LACC1: variants seen among roughly 807,000 people sequenced by gnomAD.
LACC1 encodes purine nucleoside phosphorylase LACC1.
LACC1 carries 25 observed loss-of-function variants against 34.8 expected under a neutral mutation model. The ratio of observed to expected loss-of-function variants is 0.72; its 90% CI spans 0.52 to 1.00. The LOEUF is 1.00. Ranked by LOEUF, LACC1 falls within the 50% of genes least tolerant of loss-of-function variation. The pLI is 0.00. For synonymous variants in LACC1, 162 were observed against 168.0 expected, an observed-to-expected ratio of 0.96 and a Z score of 0.28; for missense variants, 426 against 511.2, an observed-to-expected ratio of 0.83 and a Z score of 1.61.
rs200488519 is a variant in LACC1 at position 43,881,304 on chromosome 13, G to T, written c.319G>T (p.Val107Leu). 2.6e-5 allele frequency: 42 copies of T among 1,614,002 alleles called. No homozygotes were observed. Among genetic ancestry groups the T allele is most frequent in the African/African-American group, 4.0e-5 (3 of 75,024 alleles). ...AAATCTGAGCAGCATTAAGGTAATT[G>T]TACCCAGGCACAGGAAGACATTAAT... is the stretch of plus-strand genomic sequence containing the variant. ...EKNLSSIKVI[V>L]PRHRKTLMKA... is the part of the protein sequence containing the mutation. Residue 107 changes from valine (V) to leucine (L), a missense_variant, in exon 2 of 7, where the codon GTA becomes TTA. By Grantham distance (32) the Val-to-Leu change is conservative. This residue lies in a region of LACC1 where 217 missense variants were observed against 210.9 expected (regional missense o/e 1.03). Transcript: ENST00000325686.
At chr13:43,882,928 C>G (rs553752098) in intron 3 of LACC1, among the ~76,000 whole-genome samples, 4 of 152,048 alleles carry the variant, frequency 2.6e-5, no homozygotes, top group African/African-American at 9.7e-5. Context: ...AACCCACCCT[C>G]GACAGGACAC....
In LACC1 at chr13:43,881,325, T is replaced by C. The variant is rs776163025; in HGVS notation, c.340T>C (p.Leu114=). ...AATTGTACCCAGGCACAGGAAGACA[T>C]TAATGAAAGCTTTTATTGATCAACT... ...KVIVPRHRKT[L]MKAFIDQLFT... Residue 114 remains leucine, a synonymous_variant, in exon 2 of 7, where the codon TTA becomes CTA. Coordinates refer to ENST00000325686, the MANE Select transcript of LACC1 (RefSeq NM_153218.4). 3 of 1,613,892 alleles carry C rather than the reference T, an allele frequency of 1.9e-6. No individual in the cohort carries two copies. Among genetic ancestry groups the C allele is most frequent in the African/African-American group, 1.3e-5 (1 of 75,004 alleles).
In LACC1 at chr13:43,881,566, G is replaced by A. The variant is rs752823299; in HGVS notation, c.562+19G>A. On this transcript the variant is annotated intron_variant, in intron 2 of 6. Transcript: ENST00000325686. The stretch of plus-strand genomic sequence containing the variant: ...ATCCCAGGTATATTAACCACTAACT[G>A]TTGTTTTTACTTTGTACATGGAAAA... The A allele has an allele frequency of 9.1e-6, 14 of 1,535,292 alleles. No homozygotes were observed. Among genetic ancestry groups the A allele is most frequent in the African/African-American group, 6.9e-5 (5 of 71,948 alleles).
rs548506437 is a variant in LACC1 at position 43,880,069 on chromosome 13, G to A, written c.-85G>A. ...GAATGGGCTGTGAGCCGCCGGTGGA[G>A]GTGCCCGGGCAGGTGCAGAGCCACA... On this transcript the variant is annotated 5_prime_UTR_variant, in exon 1 of 7. Coordinates refer to ENST00000325686, the MANE Select transcript of LACC1 (RefSeq NM_153218.4). 3.3e-5 allele frequency: 5 copies of A among 152,562 alleles called. No homozygotes were observed. Among genetic ancestry groups the A allele is most frequent in the African/African-American group, 9.6e-5 (4 of 41,552 alleles). 9.5% of individuals were successfully genotyped at this position (152,562 alleles called of 1,614,324 possible). A position where few individuals can be genotyped will look rare whatever the true frequency, so the allele number is the denominator to read the frequency against.
chr13:43,881,656 C>A, intron 2 of LACC1, 109 bp downstream of exon 2: 2 of 814,454 alleles, frequency 2.5e-6, no homozygotes, highest in Non-Finnish European at 3.8e-6. Flanking sequence ...CTGTTGTGGG[C>A]TGATTACTCA....
At position 43,888,745 on chromosome 13, in the gene LACC1, C is replaced by T; in HGVS notation, c.908-12C>T. 1 of 1,601,840 alleles carries T rather than the reference C, an allele frequency of 6.2e-7. No individual in the cohort carries two copies. The highest frequency in any genetic ancestry group is 8.5e-7 in the Non-Finnish European group (1 of 1,169,832). ...TTGACTTCTCTTATCTCTTTTTATTCCTATTTACCAGGTTGGAAAGGTACT... is the reference window on the plus strand; with the variant it reads ...TTGACTTCTCTTATCTCTTTTTATTTCTATTTACCAGGTTGGAAAGGTACT... On this transcript the variant is annotated splice_polypyrimidine_tract_variant and intron_variant, in intron 4 of 6. Coordinates refer to ENST00000325686, the MANE Select transcript of LACC1 (RefSeq NM_153218.4).
In LACC1 at chr13:43,891,588, T is replaced by A. The variant is rs1342511121; in HGVS notation, c.*141T>A. The A allele has an allele frequency of 6.9e-6, 6 of 869,466 alleles. No individual in the cohort carries two copies. Among genetic ancestry groups the A allele is most frequent in the Non-Finnish European group, 6.9e-6 (5 of 724,354 alleles). The allele number at this position is 869,466 out of a possible 1,614,324, so 53.9% of individuals were successfully genotyped here. On this transcript the variant is annotated 3_prime_UTR_variant, in exon 7 of 7. Transcript: ENST00000325686. ...TCTTTTGGGTATATTTTTACTATTA[T>A]TCAAAGCCAAATGATTTTCATTTAA...
At chr13:43,888,013 G>A (rs1044281917) in intron 4 of LACC1, among the ~76,000 whole-genome samples, 3 of 152,096 alleles carry the variant, frequency 2.0e-5, no homozygotes, top group Non-Finnish European at 2.9e-5. Flanking sequence ...TTGATAACAC[G>A]ATTATTCGCA....
At chr13:43,887,622 G>A (rs553248050) in intron 4 of LACC1, among the ~76,000 whole-genome samples, 4 of 152,202 alleles carry the variant, frequency 2.6e-5, no homozygotes, top group Non-Finnish European at 2.9e-5. Flanking sequence ...ATATATTTTT[G>A]TAAAAAGGGA....
intron 4 of LACC1, among the ~76,000 whole-genome samples, chr13:43,887,651 C>T (rs1490266293): frequency 6.6e-6 from 1 of 152,048 alleles, no homozygotes; most frequent in Non-Finnish European, 1.5e-5. Context: ...AACTGCAAAA[C>T]ATTGCTGAAG....
Position 43,885,061 on chromosome 13 carries a change from G to T in LACC1, c.907+1125G>T, listed in dbSNP as rs543230541. Reference sequence around the variant, plus strand: ...GTTACCTTAACCAAGGAGATTAAAGGTCTCTACAATGAGAAGTACAAAACA... The same window carrying T: ...GTTACCTTAACCAAGGAGATTAAAGTTCTCTACAATGAGAAGTACAAAACA... On this transcript the variant is annotated intron_variant, in intron 4 of 6. Coordinates refer to ENST00000325686, the MANE Select transcript of LACC1 (RefSeq NM_153218.4). 2.0e-5 allele frequency among the ~76,000 whole-genome samples: 3 copies of T among 152,122 alleles called. No homozygotes were observed. The East Asian group carries it at 5.8e-4, about 29-fold the overall frequency.
chr13:43,888,670 A>G, intron 4 of LACC1, 87 bp from the exon 5 acceptor site: 1 of 1,005,412 alleles, frequency 9.9e-7, no homozygotes, highest in Non-Finnish European at 1.5e-6. Context: ...TACAAACTAA[A>G]TCTGCTCACT....
At chr13:43,886,046 A>G (rs1426266577) in intron 4 of LACC1, among the ~76,000 whole-genome samples, 1 of 152,210 alleles carries the variant, frequency 6.6e-6, no homozygotes, top group African/African-American at 2.4e-5. Context: ...AATCACAACT[A>G]CAATGAGATA....
intron 4 of LACC1, among the ~76,000 whole-genome samples, chr13:43,886,315 A>G (rs1955321659): frequency 6.6e-6 from 1 of 152,234 alleles, no homozygotes; most frequent in Admixed American, 6.5e-5. Context: ...ACGTATGTTC[A>G]TCACAGCACT....
upstream of LACC1, chr13:43,879,274 T>A (rs1168186078): frequency 2.6e-5 from 4 of 152,714 alleles, no homozygotes; most frequent in Non-Finnish European, 5.8e-5. Context: ...CCCCGCCCCG[T>A]GCCCTCTGGA....
intron 4 of LACC1, among the ~76,000 whole-genome samples, chr13:43,888,353 A>G (rs1157195841): frequency 1.3e-5 from 2 of 152,194 alleles, no homozygotes; most frequent in African/African-American, 4.8e-5. Context: ...ATCAAATGAA[A>G]AAATTCTGGA....
chr13:43,881,335 C>G lies in LACC1; in HGVS notation c.350C>G (p.Ala117Gly). 6.2e-7 allele frequency: 1 copy of G among 1,613,874 alleles called. No individual in the cohort carries two copies. The highest frequency in any genetic ancestry group is 8.5e-7 in the Non-Finnish European group (1 of 1,179,916). Reference sequence around the variant, plus strand: ...AGGCACAGGAAGACATTAATGAAAGCTTTTATTGATCAACTCTTCACTGAT... The same window carrying G: ...AGGCACAGGAAGACATTAATGAAAGGTTTTATTGATCAACTCTTCACTGAT... ...VPRHRKTLMK[A>G]FIDQLFTDVY... Residue 117 changes from alanine to glycine, a missense_variant, in exon 2 of 7, where the codon GCT (alanine) becomes GGT (glycine). Coordinates refer to ENST00000325686, the MANE Select transcript of LACC1 (RefSeq NM_153218.4).
intron 3 of LACC1, among the ~76,000 whole-genome samples, chr13:43,882,660 A>T (rs567147870): frequency 5.9e-5 from 9 of 151,454 alleles, no homozygotes; most frequent in African/African-American, 1.7e-4. Flanking sequence ...GTGAAACGAC[A>T]TAATAAAACC....
At chr13:43,886,366 T>C (rs1955324445) in intron 4 of LACC1, among the ~76,000 whole-genome samples, 1 of 152,150 alleles carries the variant, frequency 6.6e-6, no homozygotes, top group Non-Finnish European at 1.5e-5. Context: ...TAGATGCCCA[T>C]CAGTGGTGGA....
Sources: gnomAD v4.1 joint callset for allele counts (sites outside exome capture counted in the v4.1 genomes callset) on GRCh38, gnomAD v4.1.1 for gene constraint, gnomAD v4.1.1 regional missense constraint, MANE v1.5 for transcripts, NCBI Gene and HGNC (gene_info 2026-07-23, HGNC 2026-07-21) for gene names.